The following CNTFR variants were observed in gnomAD, a reference collection of about 807,000 sequenced individuals.
The protein encoded by CNTFR is ciliary neurotrophic factor receptor subunit alpha.
In CNTFR, 12 loss-of-function variants were observed where a neutral mutation model predicts 40.4. The ratio of observed to expected loss-of-function variants is 0.30; its 90% CI spans 0.19 to 0.48. CNTFR has a LOEUF of 0.48. Among genes scored for constraint, CNTFR ranks in the 20% least tolerant of loss-of-function variants. CNTFR has a pLI of 0.99. For missense variants in CNTFR, 414 were observed against 506.8 expected, an observed-to-expected ratio of 0.82 and a Z score of 1.76; for synonymous variants, 202 against 209.6, an observed-to-expected ratio of 0.96 and a Z score of 0.31.
chr9:34,553,385 C>A (rs1825713247), intron 7 of CNTFR, among the ~76,000 whole-genome samples: 1 of 152,180 alleles, frequency 6.6e-6, no homozygotes, highest in Non-Finnish European at 1.5e-5. Flanking sequence ...CATCCTCATG[C>A]CTTGCCATCC....
At chr9:34,570,467 T>A (rs1826548069) in intron 2 of CNTFR, among the ~76,000 whole-genome samples, 1 of 152,112 alleles carries the variant, frequency 6.6e-6, no homozygotes, top group Non-Finnish European at 1.5e-5. Context: ...GCTAAGACAC[T>A]GTCAGAAACA....
rs572258217 is a variant in CNTFR at position 34,582,609 on chromosome 9, A to G, written c.-111-1404T>C. ...TGAGAAAGGGATTCCATGTCTTCCA[A>G]TCCTGCCCAGAGATGCAGAGACACC... is the stretch of plus-strand genomic sequence containing the variant. On this transcript the variant is annotated intron_variant, in intron 1 of 9. Coordinates refer to ENST00000378980, the MANE Select transcript of CNTFR (RefSeq NM_147164.3). 11 of 152,362 alleles carry G rather than the reference A, an allele frequency of 7.2e-5. No homozygotes were observed. In the East Asian group the frequency reaches 2.1e-3, roughly 29 times the overall value. 9.4% of individuals were successfully genotyped at this position (152,362 alleles called of 1,614,324 possible).
rs1348583410 is a variant in CNTFR, at chr9:34,557,462, T to C, written c.604+64A>G. On this transcript the variant is annotated intron_variant, in intron 6 of 9. Transcript: ENST00000378980. This position sits in a 1 kb window ranked among gnomAD's most constrained non-coding sequence, Gnocchi z 4.2. ...GCATGCATGTGGACATCCCCACCAA[T>C]GGCACACATCCACTTACATTCCCAC... 6.4e-7 allele frequency: 1 copy of C among 1,568,142 alleles called. No individual in the cohort carries two copies. Among genetic ancestry groups the C allele is most frequent in the Non-Finnish European group, 8.7e-7 (1 of 1,147,092 alleles).
At chr9:34,571,669 C>T (rs991306078) in intron 2 of CNTFR, among the ~76,000 whole-genome samples, 1 of 152,092 alleles carries the variant, frequency 6.6e-6, no homozygotes, top group Non-Finnish European at 1.5e-5. Flanking sequence ...AAGGGCCGGG[C>T]CCTGGGCCAA....
chr9:34,563,857 G>T (rs1415911585), intron 4 of CNTFR, among the ~76,000 whole-genome samples: 1 of 151,938 alleles, frequency 6.6e-6, no homozygotes, highest in Non-Finnish European at 1.5e-5. Context: ...TCCTACCTTG[G>T]TTTTTCTCCA....
At chr9:34,559,621 T>C (rs946087674) in intron 4 of CNTFR, among the ~76,000 whole-genome samples, 3 of 148,898 alleles carry the variant, frequency 2.0e-5, no homozygotes, top group African/African-American at 7.5e-5. Flanking sequence ...TGCCTGGGGG[T>C]GGGGTGGGGG....
intron 2 of CNTFR, 101 bp downstream of exon 2, chr9:34,580,994 A>G (rs1827263293): frequency 6.6e-6 from 1 of 152,202 alleles, no homozygotes; most frequent in African/African-American, 2.4e-5. Flanking sequence ...AGAGGAAGGA[A>G]TCTCAGGTCC....
intron 6 of CNTFR, 75 bp from the exon 7 acceptor site, chr9:34,556,493 T>C (rs1825840728): frequency 6.2e-6 from 9 of 1,450,262 alleles, no homozygotes; most frequent in African/African-American, 2.8e-5. Flanking sequence ...AGCCACCATG[T>C]TGACCCTCTC....
In CNTFR at chr9:34,552,452, A is replaced by C. The variant is rs1825671952; in HGVS notation, c.950-123T>G. On this transcript the variant is annotated intron_variant, in intron 8 of 9. Coordinates refer to ENST00000378980, the MANE Select transcript of CNTFR (RefSeq NM_147164.3). This position sits in a 1 kb window ranked among gnomAD's most constrained non-coding sequence, Gnocchi z 5.1. The stretch of plus-strand genomic sequence containing the variant: ...TGGTACTGCCTCCCCCATCAGGCAG[A>C]TCCTGTTTCCCAAGGCTCACAGATA... 3 of 1,150,626 alleles carry C rather than the reference A, an allele frequency of 2.6e-6. No homozygotes were observed. Among genetic ancestry groups the C allele is most frequent in the Non-Finnish European group, 3.6e-6 (3 of 832,002 alleles). 71.3% of individuals were successfully genotyped at this position (1,150,626 alleles called of 1,614,324 possible).
In CNTFR at chr9:34,557,199, G is replaced by GC. The variant is rs572849077; in HGVS notation, c.604+326_604+327insG. ...TAAGGAAGCCATTAGAGTTGGGGGGGGGTGCGGTGGAGGCTGCAGCTGCAC... is the reference window on the plus strand; with the variant it reads ...TAAGGAAGCCATTAGAGTTGGGGGGGCGGTGCGGTGGAGGCTGCAGCTGCAC... On this transcript the variant is annotated intron_variant, in intron 6 of 9. Transcript: ENST00000378980. This position sits in a 1 kb window ranked among gnomAD's most constrained non-coding sequence, Gnocchi z 4.2. Among the ~76,000 whole-genome samples, 20 of 151,406 alleles carry GC rather than the reference G, an allele frequency of 1.3e-4. No individual in the cohort carries two copies. The South Asian group carries it at 2.9e-3, about 22-fold the overall frequency.
intron 4 of CNTFR, among the ~76,000 whole-genome samples, chr9:34,560,979 G>C (rs547905235): frequency 6.6e-6 from 1 of 152,312 alleles, no homozygotes; most frequent in South Asian, 2.1e-4. Flanking sequence ...CGCCGGCCCA[G>C]ACAGGAGGAG....
At chr9:34,577,210 C>T (rs1827019346) in intron 2 of CNTFR, among the ~76,000 whole-genome samples, 1 of 152,230 alleles carries the variant, frequency 6.6e-6, no homozygotes, top group Non-Finnish European at 1.5e-5. Context: ...GGCCCCAGCC[C>T]AGGAAAGATC....
intron 3 of CNTFR, among the ~76,000 whole-genome samples, chr9:34,565,854 G>A (rs973299059): frequency 6.6e-6 from 1 of 151,834 alleles, no homozygotes; most frequent in African/African-American, 2.4e-5. Context: ...CATCCTACCC[G>A]CTGAGCCTGA....
rs781150307 is a variant in CNTFR, at chr9:34,552,658, G to C, written c.949+16C>G. 6.2e-7 allele frequency: 1 copy of C among 1,610,700 alleles called. No individual in the cohort carries two copies. The highest frequency in any genetic ancestry group is 1.1e-5 in the South Asian group (1 of 90,854). Reference sequence around the variant, plus strand: ...AGGACAGCAAAGCCAGGAGGTAGGGGCGGGAGCAAGCTCACCCGCAGCCTG... The same window carrying C: ...AGGACAGCAAAGCCAGGAGGTAGGGCCGGGAGCAAGCTCACCCGCAGCCTG... On this transcript the variant is annotated intron_variant, in intron 8 of 9. Transcript: ENST00000378980. The surrounding 1 kb of genome is among the most constrained non-coding windows in gnomAD (Gnocchi z 5.1).
chr9:34,579,067 G>A (rs979045276), intron 2 of CNTFR, among the ~76,000 whole-genome samples: 3 of 152,050 alleles, frequency 2.0e-5, no homozygotes, highest in African/African-American at 4.8e-5. Context: ...ATGAGCACAC[G>A]CACACGCACA....
rs1450681584 is a variant in CNTFR at position 34,589,036 on chromosome 9, G to GA, written c.-112+518dup. ...GGCGGACTGAAGAGAAAACCATGGGGACGCCGACCGACACACACATGCACA... is the reference window on the plus strand; with the variant it reads ...GGCGGACTGAAGAGAAAACCATGGGGAACGCCGACCGACACACACATGCACA... On this transcript the variant is annotated intron_variant, in intron 1 of 9. Coordinates refer to ENST00000378980, the MANE Select transcript of CNTFR (RefSeq NM_147164.3). This position sits in a 1 kb window ranked among gnomAD's most constrained non-coding sequence, Gnocchi z 4.4. Among the ~76,000 whole-genome samples, 1 of 152,120 alleles carries GA rather than the reference G, an allele frequency of 6.6e-6. No homozygotes were observed. The highest frequency in any genetic ancestry group is 2.4e-5 in the African/African-American group (1 of 41,392).
chr9:34,571,830 TC>T (rs1242656646), intron 2 of CNTFR, among the ~76,000 whole-genome samples: 2 of 151,054 alleles, frequency 1.3e-5, no homozygotes, highest in African/African-American at 2.4e-5. Context: ...GAGGAGGAGC[TC>T]TGAGTGGAGA....
chr9:34,575,885 T>C (rs114433943), intron 2 of CNTFR, among the ~76,000 whole-genome samples: 2,096 of 152,228 alleles, frequency 0.014, 55 homozygotes, highest in African/African-American at 0.048. Context: ...CTGAGGAGCC[T>C]CCTGGTCTGC....
At position 34,552,546 on chromosome 9, in the gene CNTFR, CA is replaced by C. The variant is rs1825677666; in HGVS notation, c.949+127del. The C allele has an allele frequency of 2.7e-6, 3 of 1,110,590 alleles. No homozygotes were observed. The highest frequency in any genetic ancestry group is 5.2e-5 in the East Asian group (2 of 38,778). 68.8% of individuals were successfully genotyped at this position (1,110,590 alleles called of 1,614,324 possible). A position where few individuals can be genotyped will look rare whatever the true frequency, so the allele number is the denominator to read the frequency against. On this transcript the variant is annotated intron_variant, in intron 8 of 9. Transcript: ENST00000378980. This position sits in a 1 kb window ranked among gnomAD's most constrained non-coding sequence, Gnocchi z 5.1. ...AGGACCAGGAATGGCAGGAGTTGGA[CA>C]GACAGGCAGAAGTGTGGCTACCCCC...
Sources: gnomAD v4.1 joint callset for allele counts (sites outside exome capture counted in the v4.1 genomes callset) on GRCh38, gnomAD v4.1.1 for gene constraint, Gnocchi (gnomAD v3.1) non-coding constraint, MANE v1.5 for transcripts, NCBI Gene and HGNC (gene_info 2026-07-23, HGNC 2026-07-21) for gene names.